KYNU: variants seen among roughly 807,000 people sequenced by gnomAD.
KYNU encodes kynureninase.
In KYNU, 54 loss-of-function variants were observed where a neutral mutation model predicts 59.2. The observed-to-expected ratio is 0.91, with a 90% CI of 0.73 to 1.14. The LOEUF (loss-of-function observed/expected upper bound fraction) is 1.14. Among genes scored for constraint, KYNU ranks in the 50% most tolerant of loss-of-function variants. KYNU has a pLI of 0.00. For missense variants in KYNU, 567 were observed against 554.4 expected (o/e 1.02, Z -0.23); for synonymous variants, 177 against 192.0 (o/e 0.92, Z 0.65).
chr2:142,927,811 C>A, intron 4 of KYNU, 70 bp downstream of exon 4: 1 of 1,029,396 alleles, frequency 9.7e-7, no homozygotes, highest in South Asian at 1.3e-5. Context: ...TAAACACAGG[C>A]TCATAAAGTC....
rs192455554 is a variant in KYNU, at chr2:143,055,017, A to C, written c.*12845A>C. 2 of 152,052 alleles carry C rather than the reference A, an allele frequency of 1.3e-5. No homozygotes were observed. The highest frequency in any genetic ancestry group is 4.8e-5 in the African/African-American group (2 of 41,384). The allele number at this position is 152,052 out of a possible 1,614,324, so 9.4% of individuals were successfully genotyped here. Reference sequence around the variant, plus strand: ...GGAGTAAGAAGCTATTCATATTTCTATATATATATACCAAGTACATAGGAG... The same window carrying C: ...GGAGTAAGAAGCTATTCATATTTCTCTATATATATACCAAGTACATAGGAG... On this transcript the variant is annotated 3_prime_UTR_variant, in exon 14 of 14. Coordinates refer to ENST00000264170, the MANE Select transcript of KYNU (RefSeq NM_003937.3).
chr2:143,029,650 AAC>A lies in KYNU; in HGVS notation c.927_928del (p.Glu309AspfsTer6). The stretch of plus-strand genomic sequence containing the variant: ...AGATTAGTGGGATGGTTTGGCCATG[AAC>A]TCAGCACCAGATTTAAGATGGATAA... On this transcript the variant is annotated frameshift_variant, in exon 11 of 14. Coordinates refer to ENST00000264170, the MANE Select transcript of KYNU (RefSeq NM_003937.3). LOFTEE classifies it high-confidence loss of function. 1 of 1,598,290 alleles carries A rather than the reference AAC, an allele frequency of 6.3e-7. No individual in the cohort carries two copies. Among genetic ancestry groups the A allele is most frequent in the Non-Finnish European group, 8.6e-7 (1 of 1,165,578 alleles).
intron 8 of KYNU, among the ~76,000 whole-genome samples, chr2:142,964,311 CT>C (rs1446773768): frequency 2.6e-5 from 4 of 151,830 alleles, no homozygotes; most frequent in Non-Finnish European, 5.9e-5. Flanking sequence ...AAGTATATAC[CT>C]AGAATTAGAA....
chr2:142,936,557 T>A (rs1683396928), intron 4 of KYNU, among the ~76,000 whole-genome samples: 1 of 152,164 alleles, frequency 6.6e-6, no homozygotes, highest in Non-Finnish European at 1.5e-5. Context: ...TCGTCACTGC[T>A]GCCTTTTTCG....
chr2:142,990,232 C>A (rs1425141380), intron 10 of KYNU, among the ~76,000 whole-genome samples: 1 of 151,756 alleles, frequency 6.6e-6, no homozygotes, highest in South Asian at 2.1e-4. Flanking sequence ...GACTTTAATT[C>A]AGTCTACACA....
chr2:143,035,052 C>T (rs1686856525), intron 12 of KYNU, among the ~76,000 whole-genome samples: 1 of 152,210 alleles, frequency 6.6e-6, no homozygotes, highest in African/African-American at 2.4e-5. Flanking sequence ...TTTCCTACCA[C>T]ACTGTATTAG....
intron 5 of KYNU, 124 bp downstream of exon 5, chr2:142,954,995 A>C: frequency 1.5e-6 from 1 of 676,642 alleles, no homozygotes; most frequent in Non-Finnish European, 2.6e-6. Context: ...GGTTATTTTC[A>C]TTTTTACTAG....
At chr2:142,936,158 G>A (rs1009691066) in intron 4 of KYNU, among the ~76,000 whole-genome samples, 2 of 152,152 alleles carry the variant, frequency 1.3e-5, no homozygotes, top group Admixed American at 6.5e-5. Flanking sequence ...AGAAGGATTT[G>A]AACAGGTAAA....
At chr2:142,880,821 ATC>A (rs1450598215) in intron 1 of KYNU, among the ~76,000 whole-genome samples, 1 of 152,214 alleles carries the variant, frequency 6.6e-6, no homozygotes, top group Non-Finnish European at 1.5e-5. Flanking sequence ...AGACACAGTG[ATC>A]TCTCTTCAAA....
rs79751502 is a variant in KYNU, at chr2:142,957,947, T to C, written c.582+232T>C. 9.7e-4 allele frequency: 454 copies of C among 466,554 alleles called. 7 individuals are homozygous for C. In the East Asian group the frequency reaches 0.015, roughly 15 times the overall value. 28.9% of individuals were successfully genotyped at this position (466,554 alleles called of 1,614,324 possible). On this transcript the variant is annotated intron_variant, in intron 7 of 13. Transcript: ENST00000264170. ...AGCCATATGGCAAGCAAACTATTTT[T>C]CTGTTAATACCACTGGATTCTGCCA...
intron 10 of KYNU, among the ~76,000 whole-genome samples, chr2:143,005,425 A>C (rs1685848154): frequency 6.6e-6 from 1 of 152,150 alleles, no homozygotes; most frequent in African/African-American, 2.4e-5. Flanking sequence ...GTTTCCAGCG[A>C]CCTAGAGAAA....
At chr2:142,966,496 A>G (rs749080622) in intron 8 of KYNU, among the ~76,000 whole-genome samples, 1 of 152,180 alleles carries the variant, frequency 6.6e-6, no homozygotes, top group African/African-American at 2.4e-5. Flanking sequence ...GTATCACTGC[A>G]TGCTCAAGAA....
At chr2:142,903,061 A>C (rs73963777) in intron 2 of KYNU, among the ~76,000 whole-genome samples, 3,054 of 152,272 alleles carry the variant, frequency 0.02, 96 homozygotes, top group African/African-American at 0.069. Context: ...CCTCACTGAT[A>C]ATCCTGACAT....
intron 10 of KYNU, among the ~76,000 whole-genome samples, chr2:143,010,977 A>G (rs1001456349): frequency 1.4e-5 from 2 of 146,306 alleles, no homozygotes; most frequent in Non-Finnish European, 3.0e-5. Context: ...AAACCTAGGC[A>G]TGGCCATTCA....
At chr2:142,897,608 A>T (rs1681923197) in intron 2 of KYNU, among the ~76,000 whole-genome samples, 1 of 152,246 alleles carries the variant, frequency 6.6e-6, no homozygotes, top group Admixed American at 6.5e-5. Context: ...ACTACTTATA[A>T]TACAATCAGC....
intron 4 of KYNU, among the ~76,000 whole-genome samples, chr2:142,931,395 C>T (rs1361245254): frequency 1.3e-5 from 2 of 152,094 alleles, no homozygotes; most frequent in African/African-American, 4.8e-5. Context: ...CCACATTGTC[C>T]TTGTAGTAGG....
Position 142,980,265 on chromosome 2 carries a change from A to C in KYNU, c.730-4819A>C, listed in dbSNP as rs150023673. On this transcript the variant is annotated intron_variant, in intron 8 of 13. Transcript: ENST00000264170. ...TTATAATGCTAATAATTAGCTTATA[A>C]TGAGCAGTGAGGATGACCAGAGGTC... Among the ~76,000 whole-genome samples the C allele has an allele frequency of 3.6e-3, 546 of 151,458 alleles. 4 individuals carry two copies. Among genetic ancestry groups the C allele is most frequent in the African/African-American group, 0.012 (495 of 40,786 alleles).
chr2:143,029,069 A>G (rs1686663967), intron 10 of KYNU, among the ~76,000 whole-genome samples: 1 of 152,190 alleles, frequency 6.6e-6, no homozygotes. Flanking sequence ...ATTTTATATT[A>G]AATAAAAACC....
At chr2:142,936,676 G>A (rs759062900) in intron 4 of KYNU, among the ~76,000 whole-genome samples, 7 of 152,186 alleles carry the variant, frequency 4.6e-5, no homozygotes, top group Non-Finnish European at 1.0e-4. Context: ...TTTTTGGACC[G>A]GAGAAACCAA....
Sources: gnomAD v4.1 joint callset for allele counts (sites outside exome capture counted in the v4.1 genomes callset) on GRCh38, gnomAD v4.1.1 for gene constraint, MANE v1.5 for transcripts, NCBI Gene and HGNC (gene_info 2026-07-23, HGNC 2026-07-21) for gene names.